Variants in ASMTL observed in about 807,000 individuals in gnomAD.
ASMTL encodes acetylserotonin O-methyltransferase like.
ASMTL carries 57 observed loss-of-function variants against 60.3 expected under a neutral mutation model. The ratio of observed to expected loss-of-function variants is 0.95; its 90% CI spans 0.76 to 1.18. The LOEUF (loss-of-function observed/expected upper bound fraction) is 1.18, where lower values mean the gene tolerates loss of function less well. Among genes scored for constraint, ASMTL ranks in the 50% most tolerant of loss-of-function variants. The pLI, the probability that ASMTL is intolerant of heterozygous loss-of-function variation, is 0.00. For synonymous variants in ASMTL, 419 were observed against 373.0 expected (o/e 1.12, Z -1.42); for missense variants, 981 against 852.6 (o/e 1.15, Z -1.88).
At chrX:1,413,303 A>G (rs1236323561) in intron 11 of ASMTL, among the ~76,000 whole-genome samples, 1 of 152,210 alleles carries the variant, frequency 6.6e-6, no homozygotes, top group Non-Finnish European at 1.5e-5. Flanking sequence ...TGGAGGTTGC[A>G]GTGAGCCGAG....
At chrX:1,429,834 T>TA (rs2090720119) in intron 6 of ASMTL, among the ~76,000 whole-genome samples, 1 of 151,754 alleles carries the variant, frequency 6.6e-6, no homozygotes, top group African/African-American at 2.4e-5. Context: ...TGTTTTGATA[T>TA]ATGTATACAT....
Position 1,435,014 on chromosome X carries a change from G to T in ASMTL, c.400+8C>A, listed in dbSNP as rs28587213. 4 of 1,613,320 alleles carry T rather than the reference G, an allele frequency of 2.5e-6. No individual in the cohort carries two copies. The highest frequency in any genetic ancestry group is 2.7e-5 in the African/African-American group (2 of 74,806). On this transcript the variant is annotated splice_region_variant and intron_variant, in intron 5 of 12. Transcript: ENST00000381317. ...CTGGGGCTACCCCGAAACCTGGGCC[G>T]CGGTTACCTTTGCTGGAGCAGTGGA...
At chrX:1,434,805 AAAAAAG>A (rs1450194340) in intron 5 of ASMTL, among the ~76,000 whole-genome samples, 40 of 151,838 alleles carry the variant, frequency 2.6e-4, no homozygotes, top group African/African-American at 9.2e-4. Context: ...AAAAAAAAAA[AAAAAAG>A]AAAGAAAAAG....
chrX:1,433,019 A>G (rs1417518537), intron 5 of ASMTL, among the ~76,000 whole-genome samples: 1 of 151,960 alleles, frequency 6.6e-6, no homozygotes. Flanking sequence ...AATCGCTTGA[A>G]CCCGGGAGGC....
At chrX:1,435,339 C>T (rs1356010366) in intron 4 of ASMTL, 18 of 612,368 alleles carry the variant, frequency 2.9e-5, no homozygotes, top group Middle Eastern at 4.3e-4. Context: ...GGGCCTATGG[C>T]GGGCAGGGGG....
intron 2 of ASMTL, among the ~76,000 whole-genome samples, chrX:1,440,991 C>T (rs1281511832): frequency 6.6e-6 from 1 of 152,010 alleles, no homozygotes; most frequent in East Asian, 1.9e-4. Flanking sequence ...TAACAAGCTA[C>T]ATGAATCTTA....
chrX:1,425,565 G>T lies in ASMTL; in HGVS notation c.1020C>A (p.Asp340Glu). 1 of 1,613,508 alleles carries T rather than the reference G, an allele frequency of 6.2e-7. No individual in the cohort carries two copies. The highest frequency in any genetic ancestry group is 8.5e-7 in the Non-Finnish European group (1 of 1,179,812). The change falls in exon 8 of 13, where the codon GAC (aspartate) becomes GAA (glutamate). Residue 340 changes from aspartate (D) to glutamate (E), a missense_variant. Coordinates refer to ENST00000381317, the MANE Select transcript of ASMTL (RefSeq NM_004192.4). ...ASACGMERLLDICAAMGLLEK... is the reference protein window; with the variant it reads ...ASACGMERLLEICAAMGLLEK... ...CCAGGAGCCCCATGGCAGCACAGAT[G>T]TCCAGAAGCCTCTCCATTCCACACG...
chrX:1,440,597 A>C (rs1471584364), intron 2 of ASMTL, among the ~76,000 whole-genome samples: 17 of 152,256 alleles, frequency 1.1e-4, no homozygotes, highest in African/African-American at 4.1e-4. Flanking sequence ...TTGATAAGCT[A>C]CATTAATTGT....
intron 5 of ASMTL, among the ~76,000 whole-genome samples, chrX:1,432,611 C>CCA (rs1456811272): frequency 6.6e-6 from 1 of 152,002 alleles, no homozygotes; most frequent in Non-Finnish European, 1.5e-5. Flanking sequence ...GGGTGGATCA[C>CCA]GAGGTCAGGA....
intron 10 of ASMTL, among the ~76,000 whole-genome samples, chrX:1,418,545 C>G (rs1198630087): frequency 6.6e-6 from 1 of 152,012 alleles, no homozygotes; most frequent in Non-Finnish European, 1.5e-5. Context: ...CCACTCTGGA[C>G]CACAAGGAGG....
chrX:1,432,428 C>T (rs1443099636), intron 5 of ASMTL, 51 bp from the exon 6 acceptor site: 18 of 1,419,456 alleles, frequency 1.3e-5, no homozygotes, highest in East Asian at 6.9e-5. Context: ...TTGTCACCTC[C>T]GTGCCCTGAC....
Position 1,427,799 on chromosome X carries a change from G to C in ASMTL, c.832C>G (p.Arg278Gly). ...GTCGGGAACGGAGGCAGGGTCTCCC[G>C]AGTCCTGTGACACTCAGCCTCTGCC... ...ATAEAECHRT[R>G]ETLPPFPTRL... is the part of the protein sequence containing the mutation. The change falls in exon 7 of 13, where the codon CGG (arginine) becomes GGG (glycine). Residue 278 changes from arginine (R) to glycine (G), a missense_variant. Transcript: ENST00000381317. 1.2e-6 allele frequency: 2 copies of C among 1,612,852 alleles called. No individual in the cohort carries two copies. Among genetic ancestry groups the C allele is most frequent in the Non-Finnish European group, 1.7e-6 (2 of 1,179,812 alleles).
intron 2 of ASMTL, among the ~76,000 whole-genome samples, chrX:1,440,110 G>A: frequency 6.8e-6 from 1 of 146,344 alleles, no homozygotes; most frequent in South Asian, 2.2e-4. Context: ...TTTTTGAGAT[G>A]GAGTCTCGCT....
At chrX:1,421,139 A>G (rs1462657006) in intron 9 of ASMTL, among the ~76,000 whole-genome samples, 1 of 150,414 alleles carries the variant, frequency 6.6e-6, no homozygotes, top group Non-Finnish European at 1.5e-5. Flanking sequence ...TTTTTTTTGT[A>G]TTTTTAGTAG....
intron 5 of ASMTL, among the ~76,000 whole-genome samples, chrX:1,433,551 G>C (rs1230008175): frequency 1.3e-5 from 2 of 150,974 alleles, no homozygotes; most frequent in Non-Finnish European, 3.0e-5. Context: ...GCGTGGTGGC[G>C]GGCCCGTCGT....
intron 6 of ASMTL, chrX:1,431,881 A>C: frequency 4.6e-6 from 1 of 218,350 alleles, no homozygotes; most frequent in Non-Finnish European, 9.2e-6. Flanking sequence ...ACGGGACGAC[A>C]GGTAGAATCA....
chrX:1,432,487 T>C, intron 5 of ASMTL, 110 bp from the exon 6 acceptor site: 1 of 771,716 alleles, frequency 1.3e-6, no homozygotes, highest in Non-Finnish European at 2.3e-6. Context: ...CAGCGCACAG[T>C]TCAGATATGG....
At position 1,427,813 on chromosome X, in the gene ASMTL, T is replaced by A. The variant is rs189405407; in HGVS notation, c.818A>T (p.Glu273Val). ...CAGGGTCTCCCGAGTCCTGTGACAC[T>A]CAGCCTCTGCCGTGGCCTGTCCCGC... ...GEAGQATAEA[E>V]CHRTRETLPP... is the part of the protein sequence containing the mutation. The change falls in exon 7 of 13, where the codon GAG becomes GTG. Residue 273 changes from glutamate (E) to valine (V), a missense_variant. Glu to Val is a moderately radical substitution (Grantham distance 121). Coordinates refer to ENST00000381317, the MANE Select transcript of ASMTL (RefSeq NM_004192.4). 975 of 1,612,600 alleles carry A rather than the reference T, an allele frequency of 6.0e-4. 4 individuals carry two copies. In the African/African-American group the frequency reaches 9.6e-3, roughly 16 times the overall value.
intron 5 of ASMTL, among the ~76,000 whole-genome samples, chrX:1,433,802 C>A (rs1230341150): frequency 6.6e-6 from 1 of 152,118 alleles, no homozygotes; most frequent in Non-Finnish European, 1.5e-5. Flanking sequence ...ATCCTGCACC[C>A]AGCACCCTGC....
Sources: allele counts gnomAD v4.1 joint callset (sites outside exome capture counted in the v4.1 genomes callset), GRCh38; gene constraint gnomAD v4.1.1; transcripts MANE v1.5; gene names NCBI Gene and HGNC (gene_info 2026-07-23, HGNC 2026-07-21).